LAMA2: variants seen among roughly 807,000 people sequenced by gnomAD.
LAMA2 encodes the protein laminin subunit alpha 2, also known as laminin subunit alpha-2.
Under a neutral mutation model 364.8 loss-of-function variants are expected in LAMA2, and 269 were observed. The observed-to-expected ratio is 0.74, with a 90% CI of 0.67 to 0.82. LAMA2 has a LOEUF of 0.82. Among genes scored for constraint, LAMA2 ranks in the 40% least tolerant of loss-of-function variants. LAMA2 has a pLI of 0.00. For missense variants in LAMA2, 3,807 were observed against 3,873.2 expected, an observed-to-expected ratio of 0.98 and a Z score of 0.45; for synonymous variants, 1,379 against 1,370.6, an observed-to-expected ratio of 1.01 and a Z score of -0.14.
intron 3 of LAMA2, among the ~76,000 whole-genome samples, chr6:129,097,786 TA>T (rs1322100476): frequency 3.2e-4 from 48 of 152,374 alleles, no homozygotes; most frequent in African/African-American, 1.2e-3. Context: ...TATCAAGCAC[TA>T]TTCACACTGG....
chr6:128,898,822 TTC>T (rs992191366), intron 1 of LAMA2, among the ~76,000 whole-genome samples: 12 of 152,378 alleles, frequency 7.9e-5, no homozygotes, highest in African/African-American at 2.6e-4. Flanking sequence ...TTTCAAATTA[TTC>T]TCTTTTTCTG....
chr6:129,168,980 A>G (rs1378951475), intron 9 of LAMA2, among the ~76,000 whole-genome samples: 3 of 152,190 alleles, frequency 2.0e-5, no homozygotes, highest in East Asian at 1.9e-4. Context: ...GTTGTTGTAT[A>G]AGAATGCTTG....
chr6:129,102,458 G>C (rs1775574787), intron 4 of LAMA2, among the ~76,000 whole-genome samples: 1 of 151,458 alleles, frequency 6.6e-6, no homozygotes, highest in African/African-American at 2.4e-5. Context: ...AATAGAAGTT[G>C]TTTCTCATTT....
intron 10 of LAMA2, among the ~76,000 whole-genome samples, chr6:129,183,540 TCAG>T (rs1781054124): frequency 6.6e-6 from 1 of 151,974 alleles, no homozygotes; most frequent in Non-Finnish European, 1.5e-5. Context: ...TTCTTGAGTT[TCAG>T]TCACTGTTTT....
chr6:129,166,518 G>C lies in LAMA2; in HGVS notation c.1306+843G>C, dbSNP rs114911922. Among the ~76,000 whole-genome samples, 994 of 152,164 alleles carry C rather than the reference G, an allele frequency of 6.5e-3. 8 individuals are homozygous for C. The highest frequency in any genetic ancestry group is 0.023 in the African/African-American group (955 of 41,496). ...AGGATTATCAATCTGAGCATTACATGTAGACTAAATTTTGAAATATTAAAA... is the reference window on the plus strand; with the variant it reads ...AGGATTATCAATCTGAGCATTACATCTAGACTAAATTTTGAAATATTAAAA... On this transcript the variant is annotated intron_variant, in intron 9 of 64. Coordinates refer to ENST00000421865, the MANE Select transcript of LAMA2 (RefSeq NM_000426.4).
In LAMA2 at chr6:128,948,357, AG is replaced by A. The variant is rs1420659226; in HGVS notation, c.112+65001del. Among the ~76,000 whole-genome samples, 9 of 152,266 alleles carry A rather than the reference AG, an allele frequency of 5.9e-5. No individual in the cohort carries two copies. In the East Asian group the frequency reaches 1.7e-3, roughly 29 times the overall value. On this transcript the variant is annotated intron_variant, in intron 1 of 64. Coordinates refer to ENST00000421865, the MANE Select transcript of LAMA2 (RefSeq NM_000426.4). The stretch of plus-strand genomic sequence containing the variant: ...CTGTGAAGAGGCTTAGTCACTTCCC[AG>A]TTTATGTATTTCAAGATTATATTCC...
chr6:129,320,132 C>CAAATAAAT lies in LAMA2; in HGVS notation c.4059-386_4059-379dup, dbSNP rs55860505. On this transcript the variant is annotated intron_variant, in intron 27 of 64. Coordinates refer to ENST00000421865, the MANE Select transcript of LAMA2 (RefSeq NM_000426.4). ...TGGGTGACAGAGTGAGACTCTGTCT[C>CAAATAAAT]AAATAAATAAATAAATAAATAAATA... Among the ~76,000 whole-genome samples, 924 of 147,256 alleles carry CAAATAAAT rather than the reference C, an allele frequency of 6.3e-3. 7 individuals are homozygous for CAAATAAAT. The highest frequency in any genetic ancestry group is 0.019 in the East Asian group (94 of 4,980).
At chr6:129,465,100 T>A in intron 50 of LAMA2, 45 bp from the exon 51 acceptor site, 1 of 1,521,764 alleles carries the variant, frequency 6.6e-7, no homozygotes, top group Non-Finnish European at 9.1e-7. Context: ...ACTCATATAC[T>A]TCTCTGTGTA....
intron 3 of LAMA2, among the ~76,000 whole-genome samples, chr6:129,065,083 A>G (rs1789204534): frequency 6.6e-6 from 1 of 152,176 alleles, no homozygotes; most frequent in South Asian, 2.1e-4. Context: ...GATCACTACC[A>G]GGGATGCCAT....
chr6:129,283,904 G>A (rs943878320), intron 18 of LAMA2, among the ~76,000 whole-genome samples: 1 of 151,934 alleles, frequency 6.6e-6, no homozygotes, highest in African/African-American at 2.4e-5. Flanking sequence ...CTGTAGTACT[G>A]TTAGCAAAAT....
At chr6:129,365,224 G>C (rs1188515588) in intron 32 of LAMA2, among the ~76,000 whole-genome samples, 2 of 152,208 alleles carry the variant, frequency 1.3e-5, no homozygotes, top group Non-Finnish European at 2.9e-5. Context: ...AATCATCAAA[G>C]TAGGGATTTG....
chr6:129,099,134 T>G (rs1192585451), intron 4 of LAMA2, among the ~76,000 whole-genome samples: 2 of 149,792 alleles, frequency 1.3e-5, no homozygotes, highest in South Asian at 2.1e-4. Flanking sequence ...TGTTTTTTTT[T>G]TTTTTGTTTT....
At chr6:129,329,585 C>T (rs1740408564) in intron 29 of LAMA2, among the ~76,000 whole-genome samples, 1 of 152,136 alleles carries the variant, frequency 6.6e-6, no homozygotes, top group African/African-American at 2.4e-5. Flanking sequence ...TGGTCTCGAA[C>T]TCCTAACCTC....
chr6:129,007,391 T>C (rs954724751), intron 1 of LAMA2, among the ~76,000 whole-genome samples: 1 of 152,136 alleles, frequency 6.6e-6, no homozygotes, highest in African/African-American at 2.4e-5. Flanking sequence ...GCCAGATAGA[T>C]TGTATGCCTG....
At chr6:129,410,517 G>A (rs1367202459) in intron 40 of LAMA2, among the ~76,000 whole-genome samples, 1 of 152,012 alleles carries the variant, frequency 6.6e-6, no homozygotes, top group Non-Finnish European at 1.5e-5. Context: ...TTCTCAATTT[G>A]TTTAGTTAGA....
chr6:129,270,148 A>G (rs1009817098), intron 16 of LAMA2, among the ~76,000 whole-genome samples: 1 of 152,034 alleles, frequency 6.6e-6, no homozygotes, highest in African/African-American at 2.4e-5. Context: ...ATAGCCCCGG[A>G]GGATTTCTAT....
chr6:129,121,393 C>G (rs928825926), intron 4 of LAMA2, among the ~76,000 whole-genome samples: 1 of 152,080 alleles, frequency 6.6e-6, no homozygotes, highest in Non-Finnish European at 1.5e-5. Context: ...TGTTGTTTAC[C>G]ATTGCATTTT....
Position 129,445,672 on chromosome 6 carries a change from G to C in LAMA2, c.6280G>C (p.Asp2094His), listed in dbSNP as rs768846392. The C allele has an allele frequency of 6.2e-6, 10 of 1,613,662 alleles. No homozygotes were observed. The African/African-American group carries it at 1.1e-4, about 17-fold the overall frequency. Reference sequence around the variant, plus strand: ...ACTAATTTTGTTCTATGCAGTTGCCGATGCAGATGCCACTGTCAAAAATTT... The same window carrying C: ...ACTAATTTTGTTCTATGCAGTTGCCCATGCAGATGCCACTGTCAAAAATTT... Reference protein sequence around the residue: ...KDPSKNKIIADADATVKNLEQ... With the variant: ...KDPSKNKIIAHADATVKNLEQ... Residue 2094 changes from aspartate (D) to histidine (H), a missense_variant, in exon 45 of 65, where the codon GAT (aspartate) becomes CAT (histidine). Transcript: ENST00000421865.
At chr6:129,053,537 A>G (rs76551698) in intron 2 of LAMA2, among the ~76,000 whole-genome samples, 3,551 of 79,960 alleles carry the variant, frequency 0.044, 127 homozygotes, top group African/African-American at 0.2. Context: ...AAATGGAGTC[A>G]AGGCAATAAA....
Sources: gnomAD v4.1 joint callset for allele counts (sites outside exome capture counted in the v4.1 genomes callset) on GRCh38, gnomAD v4.1.1 for gene constraint, MANE v1.5 for transcripts, NCBI Gene and HGNC (gene_info 2026-07-23, HGNC 2026-07-21) for gene names.